Variants in COL28A1 observed in about 807,000 individuals in gnomAD.
The protein encoded by COL28A1 is collagen alpha-1(XXVIII) chain.
A neutral mutation model predicts 150.2 loss-of-function variants in COL28A1; 161 were observed. The ratio of observed to expected loss-of-function variants is 1.07; its 90% CI spans 0.94 to 1.22. COL28A1 has a LOEUF of 1.22. Ranked by LOEUF, COL28A1 falls within the 50% of genes most tolerant of loss-of-function variation. The probability of loss-of-function intolerance (pLI) is 0.00; values close to 1 mark genes in which losing one functional copy is unlikely to be tolerated. For missense variants in COL28A1, 1,617 were observed against 1,388.3 expected (o/e 1.16, Z -2.62); for synonymous variants, 552 against 469.7 (o/e 1.18, Z -2.26).
At chr7:7,488,045 A>C (rs2128366944) in intron 13 of COL28A1, among the ~76,000 whole-genome samples, 1 of 152,192 alleles carries the variant, frequency 6.6e-6, no homozygotes, top group South Asian at 2.1e-4. Flanking sequence ...CCATTTTAGC[A>C]CTCCATCTGA....
At chr7:7,439,596 C>T (rs554829273) in intron 21 of COL28A1, among the ~76,000 whole-genome samples, 10 of 152,262 alleles carry the variant, frequency 6.6e-5, no homozygotes, top group African/African-American at 2.4e-4. Flanking sequence ...CAATTCTTCA[C>T]CTTCATCTTT....
intron 25 of COL28A1, chr7:7,431,131 A>T (rs1240327771): frequency 1.3e-5 from 2 of 152,622 alleles, no homozygotes; most frequent in Non-Finnish European, 2.9e-5. Context: ...AGAAGTTGGC[A>T]TTAAGCACGT....
Position 7,381,559 on chromosome 7 carries a change from G to A in COL28A1, c.2190C>T (p.Gly730=), listed in dbSNP as rs1376749560. Residue 730 remains glycine, a synonymous_variant, in exon 28 of 35, where the codon GGC becomes GGT. Coordinates refer to ENST00000399429, the MANE Select transcript of COL28A1 (RefSeq NM_001037763.3). ...FPGPKGTMGH[G]LPGQKGEHGE... ...AGACACTTACCTTCTGGCCTGGGAG[G>A]CCATGGCCCATTGTGCCCTTTGGGC... 1 of 1,613,440 alleles carries A rather than the reference G, an allele frequency of 6.2e-7. No individual in the cohort carries two copies. Among genetic ancestry groups the A allele is most frequent in the Admixed American group, 1.7e-5 (1 of 60,020 alleles).
chr7:7,480,647 G>A (rs1368623000), intron 13 of COL28A1, among the ~76,000 whole-genome samples: 1 of 152,078 alleles, frequency 6.6e-6, no homozygotes, highest in Non-Finnish European at 1.5e-5. Flanking sequence ...TAAATGTAAG[G>A]AAGTATTTTT....
At chr7:7,370,375 G>T (rs1781160609) in intron 33 of COL28A1, among the ~76,000 whole-genome samples, 1 of 151,950 alleles carries the variant, frequency 6.6e-6, no homozygotes, top group Non-Finnish European at 1.5e-5. Context: ...GTTGTGGCCT[G>T]GTATGAAAGG....
intron 8 of COL28A1, chr7:7,511,752 C>T (rs1248333730): frequency 2.5e-5 from 12 of 470,850 alleles, no homozygotes; most frequent in Non-Finnish European, 4.8e-5. Context: ...GATGAGTTAG[C>T]GAGGACTGCT....
chr7:7,512,016 G>T (rs894393361), intron 8 of COL28A1, among the ~76,000 whole-genome samples: 1 of 152,098 alleles, frequency 6.6e-6, no homozygotes, highest in Non-Finnish European at 1.5e-5. Context: ...GTATACAATG[G>T]AATATTATTC....
chr7:7,390,461 G>A (rs978917061), intron 27 of COL28A1, among the ~76,000 whole-genome samples: 2 of 152,180 alleles, frequency 1.3e-5, no homozygotes, highest in African/African-American at 4.8e-5. Flanking sequence ...TTCTCTTTTT[G>A]TTGGGTCTCT....
rs567442114 is a variant in COL28A1, at chr7:7,401,937, A to G, written c.2136+15922T>C. 5.3e-5 allele frequency among the ~76,000 whole-genome samples: 8 copies of G among 152,274 alleles called. No individual in the cohort carries two copies. In the South Asian group the frequency reaches 6.2e-4, roughly 12 times the overall value. ...ATTGAGAACCCCCAAAATTTATTCT[A>G]TCCATTGCCTGAGCTTCTACTCCAC... On this transcript the variant is annotated intron_variant, in intron 27 of 34. Coordinates refer to ENST00000399429, the MANE Select transcript of COL28A1 (RefSeq NM_001037763.3).
chr7:7,505,217 A>G (rs1215783172), intron 11 of COL28A1, among the ~76,000 whole-genome samples: 1 of 152,170 alleles, frequency 6.6e-6, no homozygotes, highest in African/African-American at 2.4e-5. Context: ...TCAGTTTAAT[A>G]TCACCCTTAA....
intron 16 of COL28A1, among the ~76,000 whole-genome samples, chr7:7,454,604 CA>C (rs1786994363): frequency 6.6e-6 from 1 of 152,056 alleles, no homozygotes; most frequent in African/African-American, 2.4e-5. Context: ...CAAGGAACAG[CA>C]TTAAAGGCGA....
At chr7:7,457,090 CA>C (rs567776217) in intron 15 of COL28A1, among the ~76,000 whole-genome samples, 2 of 152,122 alleles carry the variant, frequency 1.3e-5, no homozygotes, top group Non-Finnish European at 2.9e-5. Flanking sequence ...ACAATGAAGT[CA>C]GAGAATTATG....
intron 26 of COL28A1, among the ~76,000 whole-genome samples, chr7:7,418,734 C>G (rs932709220): frequency 2.0e-5 from 3 of 151,798 alleles, no homozygotes; most frequent in Admixed American, 6.6e-5. Context: ...AGAGGAATAC[C>G]TGCCCATTGC....
intron 7 of COL28A1, 95 bp downstream of exon 7, chr7:7,517,701 C>T (rs1222046037): frequency 6.3e-7 from 1 of 1,582,342 alleles, no homozygotes; most frequent in Non-Finnish European, 8.6e-7. Context: ...ATAGAAATCA[C>T]TTTTGCACTT....
At position 7,531,453 on chromosome 7, in the gene COL28A1, C is replaced by T. The variant is rs759188173; in HGVS notation, c.576G>A (p.Thr192=). Residue 192 remains threonine, a synonymous_variant, in exon 3 of 35, where the codon ACG becomes ACA. Transcript: ENST00000399429. ...AACGAAGTTTGGCTTCATTGACTAC[C>T]GTAGAAAGTGCAATGGTGATAAATG... ...GISFITIALS[T]VVNEAKLRLI... is the part of the protein sequence containing the mutation. The T allele has an allele frequency of 6.9e-6, 11 of 1,595,734 alleles. No homozygotes were observed. Among genetic ancestry groups the T allele is most frequent in the East Asian group, 4.5e-5 (2 of 44,796 alleles).
At position 7,375,466 on chromosome 7, in the gene COL28A1, A is replaced by AAGTTTGTTTCTGTAATAAGTTTG. The variant is rs747506468; in HGVS notation, c.2353_2354insCAAACTTATTACAGAAACAAACT (p.Ile785ThrfsTer21). 9.5e-6 allele frequency: 15 copies of AAGTTTGTTTCTGTAATAAGTTTG among 1,574,776 alleles called. No homozygotes were observed. The highest frequency in any genetic ancestry group is 1.3e-5 in the Non-Finnish European group (15 of 1,151,344). ...TTTCCTTGATCAAATCTTACCACAT[A>AAGTTTGTTTCTGTAATAAGTTTG]TTTCTGTAATAAGTTTGATAATTTC... is the stretch of plus-strand genomic sequence containing the variant. On this transcript the variant is annotated frameshift_variant, in exon 31 of 35. Coordinates refer to ENST00000399429, the MANE Select transcript of COL28A1 (RefSeq NM_001037763.3). LOFTEE classifies it high-confidence loss of function.
At chr7:7,440,887 GATTTTC>G in intron 20 of COL28A1, 26 bp from the exon 21 acceptor site, 1 of 1,205,942 alleles carries the variant, frequency 8.3e-7, no homozygotes, top group Non-Finnish European at 1.2e-6. Context: ...TGAAAATATA[GATTTTC>G]GTATGGTATT....
intron 8 of COL28A1, among the ~76,000 whole-genome samples, chr7:7,512,896 G>A (rs1248670746): frequency 6.6e-6 from 1 of 152,162 alleles, no homozygotes; most frequent in Non-Finnish European, 1.5e-5. Context: ...CATGTTACTG[G>A]AAGTGCCACT....
chr7:7,370,429 A>C (rs1173697649), intron 33 of COL28A1, among the ~76,000 whole-genome samples: 1 of 152,202 alleles, frequency 6.6e-6, no homozygotes, highest in Non-Finnish European at 1.5e-5. Context: ...GTGTTGTGTT[A>C]ATCTGTTTCA....
Sources: gnomAD v4.1 joint callset for allele counts (sites outside exome capture counted in the v4.1 genomes callset) on GRCh38, gnomAD v4.1.1 for gene constraint, MANE v1.5 for transcripts, NCBI Gene and HGNC (gene_info 2026-07-23, HGNC 2026-07-21) for gene names.